The following WWOX variants were observed in gnomAD, a reference collection of about 807,000 sequenced individuals.
The protein encoded by WWOX is WW domain-containing oxidoreductase.
A neutral mutation model predicts 46.2 loss-of-function variants in WWOX; 69 were observed. The ratio of observed to expected loss-of-function variants is 1.49; its 90% CI spans 1.23 to 1.82. The LOEUF (loss-of-function observed/expected upper bound fraction) is 1.82, where lower values mean the gene tolerates loss of function less well. WWOX is among the 40% of genes most tolerant of loss of function. The pLI is 0.00. For synonymous variants in WWOX, 359 were observed against 202.6 expected (o/e 1.77, Z -6.56); for missense variants, 919 against 542.6 (o/e 1.69, Z -6.89).
intron 8 of WWOX, among the ~76,000 whole-genome samples, chr16:78,630,645 A>T (rs1418262410): frequency 6.6e-6 from 1 of 152,186 alleles, no homozygotes; most frequent in East Asian, 1.9e-4. Context: ...ACTTCGCCTC[A>T]TTCACCATTT....
At chr16:78,906,948 G>C (rs922759228) in intron 8 of WWOX, among the ~76,000 whole-genome samples, 3 of 152,198 alleles carry the variant, frequency 2.0e-5, no homozygotes, top group African/African-American at 7.2e-5. Flanking sequence ...CTATTGGCAG[G>C]TGGTGATAAC....
chr16:78,795,933 G>A (rs538358783), intron 8 of WWOX, among the ~76,000 whole-genome samples: 2 of 152,306 alleles, frequency 1.3e-5, no homozygotes, highest in South Asian at 4.1e-4. Flanking sequence ...GAACGAAATG[G>A]AAGATAATTG....
intron 8 of WWOX, among the ~76,000 whole-genome samples, chr16:78,683,088 G>T (rs1416074047): frequency 6.6e-6 from 1 of 152,148 alleles, no homozygotes. Flanking sequence ...GACTCCAGAT[G>T]ACTTGTTTTG....
intron 5 of WWOX, among the ~76,000 whole-genome samples, chr16:78,276,276 G>A (rs527262991): frequency 6.6e-6 from 1 of 152,320 alleles, no homozygotes; most frequent in African/African-American, 2.4e-5. Context: ...CAGTTTCCCT[G>A]TTTGTCAAAT....
In WWOX at chr16:78,749,175, C is replaced by G. The variant is rs150601884; in HGVS notation, c.1056+316423C>G. 1.3e-3 allele frequency among the ~76,000 whole-genome samples: 205 copies of G among 152,262 alleles called. 2 individuals are homozygous for G. In the East Asian group the frequency reaches 0.017, roughly 13 times the overall value. ...CATGGGTACGCAGATAAAACATGCA[C>G]TGCCATGGGGTGACCTGTGTGCCAT... On this transcript the variant is annotated intron_variant, in intron 8 of 8. Transcript: ENST00000566780.
intron 8 of WWOX, among the ~76,000 whole-genome samples, chr16:78,567,653 T>G (rs552536379): frequency 1.3e-5 from 2 of 152,078 alleles, no homozygotes; most frequent in Non-Finnish European, 2.9e-5. Flanking sequence ...GGGTGCCCTT[T>G]GCTGCGTAAC....
chr16:78,784,849 G>A lies in WWOX; in HGVS notation c.1056+352097G>A, dbSNP rs77268432. 2.1e-3 allele frequency among the ~76,000 whole-genome samples: 313 copies of A among 152,260 alleles called. 2 individuals carry two copies. Among genetic ancestry groups the A allele is most frequent in the African/African-American group, 7.2e-3 (300 of 41,544 alleles). ...CCCCAAGGGATACTCATGGTTGAAG[G>A]TGTCTATGTGTTCTCCTTGGTGTCC... is the stretch of plus-strand genomic sequence containing the variant. On this transcript the variant is annotated intron_variant, in intron 8 of 8. Coordinates refer to ENST00000566780, the MANE Select transcript of WWOX (RefSeq NM_016373.4).
intron 6 of WWOX, among the ~76,000 whole-genome samples, chr16:78,404,189 A>G (rs1372797055): frequency 1.3e-5 from 2 of 152,172 alleles, no homozygotes; most frequent in Non-Finnish European, 2.9e-5. Flanking sequence ...GGGTTTTTTA[A>G]AAAGTACTGA....
At chr16:78,884,167 G>C (rs1319979179) in intron 8 of WWOX, among the ~76,000 whole-genome samples, 1 of 151,214 alleles carries the variant, frequency 6.6e-6, no homozygotes, top group Non-Finnish European at 1.5e-5. Context: ...AGTTACTCGG[G>C]AGGCTGAAGC....
At chr16:78,959,261 G>T (rs895522348) in intron 8 of WWOX, among the ~76,000 whole-genome samples, 23 of 152,136 alleles carry the variant, frequency 1.5e-4, no homozygotes, top group African/African-American at 5.3e-4. Context: ...AGAAATAAGG[G>T]CATTGAACTT....
chr16:78,492,355 C>T (rs2978627), intron 8 of WWOX, among the ~76,000 whole-genome samples: 1 of 152,116 alleles, frequency 6.6e-6, no homozygotes, highest in African/African-American at 2.4e-5. Context: ...CCCATGACAT[C>T]GTCCACTGGA....
intron 8 of WWOX, among the ~76,000 whole-genome samples, chr16:78,751,796 G>C (rs1378558620): frequency 6.6e-6 from 1 of 151,538 alleles, no homozygotes; most frequent in Middle Eastern, 3.5e-3. Context: ...GAAAGAGAGA[G>C]AGAGAAAAGG....
intron 5 of WWOX, chr16:78,237,631 C>G (rs1255256928): frequency 2.0e-5 from 3 of 152,168 alleles, no homozygotes; most frequent in African/African-American, 7.2e-5. Context: ...ACAGCCGGTA[C>G]CTCTTTGGCT....
At chr16:79,158,189 G>T (rs1229586561) in intron 8 of WWOX, among the ~76,000 whole-genome samples, 1 of 152,206 alleles carries the variant, frequency 6.6e-6, no homozygotes, top group Non-Finnish European at 1.5e-5. Context: ...GGATTTCATA[G>T]ATGAGGTGAG....
intron 8 of WWOX, among the ~76,000 whole-genome samples, chr16:79,169,046 A>G (rs2050649636): frequency 6.6e-6 from 1 of 152,246 alleles, no homozygotes; most frequent in Non-Finnish European, 1.5e-5. Flanking sequence ...TATTAGATAC[A>G]AATTAATACG....
rs954513275 is a variant in WWOX, at chr16:78,825,972, C to T, written c.1057-385636C>T. 6.6e-5 allele frequency: 52 copies of T among 784,054 alleles called. 1 individual carries two copies. In the Admixed American group the frequency reaches 7.6e-4, roughly 11 times the overall value. The allele number at this position is 784,054 out of a possible 1,614,324, so 48.6% of individuals were successfully genotyped here. ...GAACAGAAGGGTGGGAAGCCAGAGC[C>T]GCCTGCTATGCCCCAGCCAGTCCCC... On this transcript the variant is annotated intron_variant, in intron 8 of 8. Transcript: ENST00000566780.
intron 8 of WWOX, among the ~76,000 whole-genome samples, chr16:78,601,778 A>G (rs752106952): frequency 1.2e-4 from 18 of 152,184 alleles, no homozygotes; most frequent in Admixed American, 2.6e-4. Flanking sequence ...TTAGCAGGCT[A>G]TTTCAATGAT....
intron 8 of WWOX, among the ~76,000 whole-genome samples, chr16:78,622,252 A>G (rs1302190860): frequency 1.3e-5 from 2 of 152,136 alleles, no homozygotes; most frequent in Non-Finnish European, 2.9e-5. Flanking sequence ...GATAAAAGTG[A>G]ACCCTTGTGG....
rs114252663 is a variant in WWOX at position 78,565,264 on chromosome 16, C to T, written c.1056+132512C>T. 2.5e-3 allele frequency among the ~76,000 whole-genome samples: 379 copies of T among 152,314 alleles called. 5 individuals are homozygous for T. The highest frequency in any genetic ancestry group is 8.8e-3 in the African/African-American group (366 of 41,560). On this transcript the variant is annotated intron_variant, in intron 8 of 8. Transcript: ENST00000566780. ...ACGTACTGGCTTTAAACAACACATG[C>T]TTATCATGTTGCAGTTCTGGGGAGT... is the stretch of plus-strand genomic sequence containing the variant.
Sources: allele counts gnomAD v4.1 joint callset (sites outside exome capture counted in the v4.1 genomes callset), GRCh38; gene constraint gnomAD v4.1.1; transcripts MANE v1.5; gene names NCBI Gene and HGNC (gene_info 2026-07-23, HGNC 2026-07-21).